CACNA1D: variants seen among roughly 807,000 people sequenced by gnomAD.
CACNA1D encodes the protein calcium voltage-gated channel subunit alpha1 D.
CACNA1D carries 55 observed loss-of-function variants against 257.1 expected under a neutral mutation model. The observed-to-expected ratio is 0.21, with a 90% CI of 0.17 to 0.27. The LOEUF (loss-of-function observed/expected upper bound fraction) is 0.27, where lower values mean the gene tolerates loss of function less well. CACNA1D is among the 10% of genes least tolerant of loss of function. The pLI, the probability that CACNA1D is intolerant of heterozygous loss-of-function variation, is 1.00. For missense variants in CACNA1D, 1,876 were observed against 2,784.0 expected (o/e 0.67, Z 7.34); for synonymous variants, 980 against 1,014.9 (o/e 0.97, Z 0.65).
At position 53,804,970 on chromosome 3, in the gene CACNA1D, C is replaced by T. The variant is rs1403009982; in HGVS notation, c.5586-13C>T. On this transcript the variant is annotated splice_polypyrimidine_tract_variant and intron_variant, in intron 44 of 47. Coordinates refer to ENST00000350061, the MANE Select transcript of CACNA1D (RefSeq NM_001128840.3). The stretch of plus-strand genomic sequence containing the variant: ...TTACCTAGAACCTTACTGCCCTCCT[C>T]TCTGACCTCCAGGCAAAACTATGGC... 6.2e-7 allele frequency: 1 copy of T among 1,613,860 alleles called. No individual in the cohort carries two copies. Among genetic ancestry groups the T allele is most frequent in the South Asian group, 1.1e-5 (1 of 91,074 alleles).
chr3:53,618,448 A>G (rs2093660495), intron 3 of CACNA1D, among the ~76,000 whole-genome samples: 1 of 152,168 alleles, frequency 6.6e-6, no homozygotes, highest in Non-Finnish European at 1.5e-5. Flanking sequence ...GGGCTCTGAC[A>G]ACAGCCACCA....
intron 4 of CACNA1D, among the ~76,000 whole-genome samples, chr3:53,656,455 G>A (rs1211482331): frequency 1.3e-5 from 2 of 152,028 alleles, no homozygotes; most frequent in Admixed American, 1.3e-4. Context: ...TGATTTCTTT[G>A]AGCAGTGTAA....
intron 47 of CACNA1D, 153 bp downstream of exon 47, chr3:53,810,451 G>T: frequency 2.6e-6 from 2 of 772,460 alleles, no homozygotes; most frequent in African/African-American, 1.7e-5. Context: ...TGTACCTGAA[G>T]CATGAGTAAA....
intron 2 of CACNA1D, 109 bp downstream of exon 2, chr3:53,497,570 T>A: frequency 8.8e-7 from 1 of 1,139,964 alleles, no homozygotes; most frequent in Non-Finnish European, 1.3e-6. Flanking sequence ...GGAATGCGAG[T>A]AACAGAAGTT....
chr3:53,728,535 A>AATT (rs2108750136), intron 15 of CACNA1D, among the ~76,000 whole-genome samples: 1 of 152,300 alleles, frequency 6.6e-6, no homozygotes, highest in South Asian at 2.1e-4. Flanking sequence ...ATCTCTCAAT[A>AATT]GAGTACGGGA....
intron 23 of CACNA1D, among the ~76,000 whole-genome samples, chr3:53,745,353 G>A (rs922700872): frequency 3.3e-5 from 5 of 151,832 alleles, no homozygotes; most frequent in African/African-American, 1.2e-4. Context: ...CAATTCCCCT[G>A]CCTCAGCCTC....
intron 3 of CACNA1D, among the ~76,000 whole-genome samples, chr3:53,538,728 TGGATCTG>T (rs1445068651): frequency 6.6e-6 from 1 of 152,188 alleles, no homozygotes; most frequent in African/African-American, 2.4e-5. Context: ...TTTCTTGCCC[TGGATCTG>T]GAATCAGCCA....
chr3:53,801,613 C>A (rs991818458), intron 42 of CACNA1D, among the ~76,000 whole-genome samples, 188 bp downstream of exon 42: 2 of 152,100 alleles, frequency 1.3e-5, no homozygotes, highest in East Asian at 1.9e-4. Context: ...ACGTGATGGA[C>A]CTAAAGGATA....
intron 40 of CACNA1D, among the ~76,000 whole-genome samples, chr3:53,798,861 C>G (rs1372969633): frequency 6.6e-6 from 1 of 152,208 alleles, no homozygotes; most frequent in East Asian, 1.9e-4. Context: ...ATCCCCTCCT[C>G]CTCCCTGAAC....
Position 53,800,789 on chromosome 3 carries a change from C to T in CACNA1D, c.5041-269C>T. On this transcript the variant is annotated intron_variant, in intron 41 of 47. Transcript: ENST00000350061. This position sits in a 1 kb window ranked among gnomAD's most constrained non-coding sequence, Gnocchi z 4.3. ...GCCAGCCCAGCTGGGTATAAGTCAC[C>T]CCAACTTGGAGCAACTGGAAGAGCA... The T allele has an allele frequency of 1.4e-5, 8 of 559,976 alleles. No individual in the cohort carries two copies. The highest frequency in any genetic ancestry group is 1.4e-4 in the South Asian group (7 of 50,328). 34.7% of individuals were successfully genotyped at this position (559,976 alleles called of 1,614,324 possible). A position where few individuals can be genotyped will look rare whatever the true frequency, so the allele number is the denominator to read the frequency against.
At chr3:53,559,411 G>C (rs1199090182) in intron 3 of CACNA1D, among the ~76,000 whole-genome samples, 2 of 152,142 alleles carry the variant, frequency 1.3e-5, no homozygotes, top group Admixed American at 1.3e-4. Flanking sequence ...GTATGTTCTA[G>C]ACATCTTGAA....
At chr3:53,632,899 G>A (rs9875748) in intron 3 of CACNA1D, among the ~76,000 whole-genome samples, 7,237 of 152,214 alleles carry the variant, frequency 0.048, 585 homozygotes, top group African/African-American at 0.16. Flanking sequence ...ATAGATCACC[G>A]TACCAGATAC....
chr3:53,625,021 A>C (rs113636313), intron 3 of CACNA1D, among the ~76,000 whole-genome samples: 12,263 of 152,228 alleles, frequency 0.081, 1,693 homozygotes, highest in African/African-American at 0.28. Flanking sequence ...CACGCTAAGG[A>C]GTACCACGAT....
chr3:53,797,844 G>C (rs940347276), intron 40 of CACNA1D: 3 of 152,176 alleles, frequency 2.0e-5, no homozygotes, highest in African/African-American at 7.2e-5. Flanking sequence ...TTAAACTTGG[G>C]AGCATTTCTG....
intron 4 of CACNA1D, among the ~76,000 whole-genome samples, chr3:53,654,167 C>A (rs994363875): frequency 2.6e-5 from 4 of 151,636 alleles, no homozygotes; most frequent in Admixed American, 6.6e-5. Flanking sequence ...TTCCTCAGGG[C>A]TGAAGGAAAA....
Position 53,516,464 on chromosome 3 carries a change from T to A in CACNA1D, c.483+14744T>A, listed in dbSNP as rs1325055272. On this transcript the variant is annotated intron_variant, in intron 3 of 47. Transcript: ENST00000350061. ...TCAGCAAGGGGCTAGTTTCTACTCATAGCTCAGGGCTCACCCACAGCATAG... is the reference window on the plus strand; with the variant it reads ...TCAGCAAGGGGCTAGTTTCTACTCAAAGCTCAGGGCTCACCCACAGCATAG... Among the ~76,000 whole-genome samples the A allele has an allele frequency of 5.9e-5, 9 of 152,346 alleles. No homozygotes were observed. In the East Asian group the frequency reaches 1.7e-3, roughly 29 times the overall value.
chr3:53,502,466 A>G (rs968422169), intron 3 of CACNA1D, among the ~76,000 whole-genome samples: 6 of 151,264 alleles, frequency 4.0e-5, no homozygotes, highest in African/African-American at 1.5e-4. Flanking sequence ...AATTCTTTAA[A>G]CATTTTTTTT....
chr3:53,699,047 T>C (rs986473749), intron 8 of CACNA1D, among the ~76,000 whole-genome samples: 2 of 152,242 alleles, frequency 1.3e-5, no homozygotes, highest in African/African-American at 4.8e-5. Flanking sequence ...GTAACTTTTT[T>C]CCCATCATTG....
At chr3:53,664,627 A>G (rs1374919862) in intron 5 of CACNA1D, among the ~76,000 whole-genome samples, 1 of 152,212 alleles carries the variant, frequency 6.6e-6, no homozygotes, top group Non-Finnish European at 1.5e-5. Context: ...TCTTCCCTGA[A>G]GTTGCCTCTC....
Sources: allele counts gnomAD v4.1 joint callset (sites outside exome capture counted in the v4.1 genomes callset), GRCh38; gene constraint gnomAD v4.1.1; non-coding constraint Gnocchi (gnomAD v3.1); transcripts MANE v1.5; gene names NCBI Gene and HGNC (gene_info 2026-07-23, HGNC 2026-07-21).